The following TRMT1 variants were observed in gnomAD, a reference collection of about 807,000 sequenced individuals.
TRMT1 encodes tRNA methyltransferase 1, also known as tRNA (guanine(26)-N(2))-dimethyltransferase.
Under a neutral mutation model 75.4 loss-of-function variants are expected in TRMT1, and 63 were observed. The ratio of observed to expected loss-of-function variants is 0.84; its 90% CI spans 0.68 to 1.03. The LOEUF (loss-of-function observed/expected upper bound fraction) is 1.03, where lower values mean the gene tolerates loss of function less well. Ranked by LOEUF, TRMT1 falls within the 50% of genes least tolerant of loss-of-function variation. The probability of loss-of-function intolerance (pLI) is 0.00; values close to 1 mark genes in which losing one functional copy is unlikely to be tolerated. For missense variants in TRMT1, 870 were observed against 905.3 expected (o/e 0.96, Z 0.50); for synonymous variants, 382 against 358.1 (o/e 1.07, Z -0.75).
At chr19:13,106,158 G>A (rs1402907688) in intron 14 of TRMT1, among the ~76,000 whole-genome samples, 1 of 151,502 alleles carries the variant, frequency 6.6e-6, no homozygotes, top group East Asian at 2.0e-4. Flanking sequence ...GAACTCCTGG[G>A]CTTGAGCAAC....
rs749720918 is a variant in TRMT1 at position 13,112,977 on chromosome 19, T to G, written c.676A>C (p.Arg226=). The change falls in exon 6 of 17, where the codon AGG becomes CGG. Residue 226 remains arginine (R), a synonymous_variant. Coordinates refer to ENST00000357720, the MANE Select transcript of TRMT1 (RefSeq NM_001136035.4). ...LMYQHQRVSE[R]FDVIDLDPYG... is the part of the protein sequence containing the mutation. ...GGGTCCAGATCGATGACGTCAAACCTCTCCGACACCCTCTGGTGCTGGTAC... is the reference window on the plus strand; with the variant it reads ...GGGTCCAGATCGATGACGTCAAACCGCTCCGACACCCTCTGGTGCTGGTAC... 1.0e-4 allele frequency: 165 copies of G among 1,613,110 alleles called. No homozygotes were observed. Among genetic ancestry groups the G allele is most frequent in the Non-Finnish European group, 1.3e-4 (153 of 1,179,644 alleles).
rs1400240685 is a variant in TRMT1, at chr19:13,116,420, C to T, written c.-21G>A. On this transcript the variant is annotated 5_prime_UTR_variant, in exon 2 of 17. Coordinates refer to ENST00000357720, the MANE Select transcript of TRMT1 (RefSeq NM_001136035.4). ...TGCATGAGACATCCGCTGGCGCCTC[C>T]GCCCGCCAAGCCTGGTTCGGGGGGC... 2 of 1,565,694 alleles carry T rather than the reference C, an allele frequency of 1.3e-6. No individual in the cohort carries two copies. Among genetic ancestry groups the T allele is most frequent in the Non-Finnish European group, 1.7e-6 (2 of 1,159,746 alleles).
In TRMT1 at chr19:13,109,580, C is replaced by A; in HGVS notation, c.1281G>T (p.Arg427=). Residue 427 remains arginine, a synonymous_variant, in exon 11 of 17, where the codon CGG becomes CGT. Transcript: ENST00000357720. Reference sequence around the variant, plus strand: ...TGATGACGCTCAGGACCCCTCGGATCCGCTCCGAGGTGTGGAAGCGGCCGG... The same window carrying A: ...TGATGACGCTCAGGACCCCTCGGATACGCTCCGAGGTGTGGAAGCGGCCGG... The part of the protein sequence containing the change: ...ANPGRFHTSE[R]IRGVLSVITE... 1 of 1,614,054 alleles carries A rather than the reference C, an allele frequency of 6.2e-7. No homozygotes were observed. The highest frequency in any genetic ancestry group is 8.5e-7 in the Non-Finnish European group (1 of 1,179,994).
intron 14 of TRMT1, among the ~76,000 whole-genome samples, chr19:13,105,896 C>T (rs1285724768): frequency 2.0e-5 from 3 of 151,996 alleles, no homozygotes. Context: ...ACCCCATCTC[C>T]ACTAAAAATA....
chr19:13,110,319 G>T lies in TRMT1; in HGVS notation c.871-13C>A, dbSNP rs1490975355. 5.2e-6 allele frequency: 4 copies of T among 770,224 alleles called. No homozygotes were observed. Among genetic ancestry groups the T allele is most frequent in the Non-Finnish European group, 8.9e-6 (4 of 447,860 alleles). 47.7% of individuals were successfully genotyped at this position (770,224 alleles called of 1,614,324 possible). On this transcript the variant is annotated splice_polypyrimidine_tract_variant and intron_variant, in intron 7 of 16. Coordinates refer to ENST00000357720, the MANE Select transcript of TRMT1 (RefSeq NM_001136035.4). Reference sequence around the variant, plus strand: ...CGATTCTCAGGGCCTGGGGGTGGGGGGTGGGTGTCAGCCTCCCCTCCACTA... The same window carrying T: ...CGATTCTCAGGGCCTGGGGGTGGGGTGTGGGTGTCAGCCTCCCCTCCACTA...
rs990638321 is a variant in TRMT1 at position 13,115,466 on chromosome 19, C to T, written c.454G>A (p.Glu152Lys). 5.0e-6 allele frequency: 8 copies of T among 1,611,704 alleles called. No individual in the cohort carries two copies. Among genetic ancestry groups the T allele is most frequent in the Non-Finnish European group, 6.8e-6 (8 of 1,178,764 alleles). ...RTAAVGEICE[E>K]GLHVLEGLAA... Reference sequence around the variant, plus strand: ...AGGCCTTCCAGCACATGCAGGCCTTCCTGTTGGAGTAAGCAGAAAACCTCC... The same window carrying T: ...AGGCCTTCCAGCACATGCAGGCCTTTCTGTTGGAGTAAGCAGAAAACCTCC... The change falls in exon 5 of 17, where the codon GAA becomes AAA. Residue 152 changes from glutamate (E) to lysine (K), a missense_variant and splice_region_variant. Transcript: ENST00000357720.
intron 12 of TRMT1, among the ~76,000 whole-genome samples, chr19:13,109,067 C>T (rs950306803): frequency 4.0e-5 from 6 of 150,748 alleles, no homozygotes; most frequent in Non-Finnish European, 8.8e-5. Flanking sequence ...AGGCATGTAT[C>T]ACCATGCCAG....
rs1433495413 is a variant in TRMT1, at chr19:13,116,198, T to A, written c.202A>T (p.Ser68Cys). 6 of 1,614,036 alleles carry A rather than the reference T, an allele frequency of 3.7e-6. No homozygotes were observed. The highest frequency in any genetic ancestry group is 4.2e-6 in the Non-Finnish European group (5 of 1,180,042). ...TEGAAKIAFP[S>C]ANEVFYNPVQ... is the part of the protein sequence containing the mutation. Reference sequence around the variant, plus strand: ...GGGTTATAAAAGACCTCGTTGGCACTGGGAAAGGCGATTTTGGCAGCCCCC... The same window carrying A: ...GGGTTATAAAAGACCTCGTTGGCACAGGGAAAGGCGATTTTGGCAGCCCCC... The change falls in exon 2 of 17, where the codon AGT becomes TGT. Residue 68 changes from serine to cysteine, a missense_variant. Ser to Cys is a moderately radical substitution (Grantham distance 112). Transcript: ENST00000357720.
chr19:13,113,009 A>G lies in TRMT1; in HGVS notation c.644T>C (p.Met215Thr). Residue 215 changes from methionine (M) to threonine (T), a missense_variant and splice_region_variant, in exon 6 of 17, where the codon ATG becomes ACG. Transcript: ENST00000357720. Reference sequence around the variant, plus strand: ...CACCCTCTGGTGCTGGTACATCAGCATCCTGGGTGCAAAGAGGGCCAGGTC... The same window carrying G: ...CACCCTCTGGTGCTGGTACATCAGCGTCCTGGGTGCAAAGAGGGCCAGGTC... ...LVQPSQADARMLMYQHQRVSE... is the reference protein window; with the variant it reads ...LVQPSQADARTLMYQHQRVSE... The G allele has an allele frequency of 6.2e-7, 1 of 1,608,314 alleles. No homozygotes were observed. Among genetic ancestry groups the G allele is most frequent in the South Asian group, 1.1e-5 (1 of 90,266 alleles).
rs150832090 is a variant in TRMT1, at chr19:13,105,301, C to T, written c.1799G>A (p.Arg600Gln). 7.5e-4 allele frequency: 1,214 copies of T among 1,614,010 alleles called. 4 individuals are homozygous for T. The African/African-American group carries it at 0.011, about 15-fold the overall frequency. Residue 600 changes from arginine to glutamine, a missense_variant, in exon 16 of 17, where the codon CGG becomes CAG. By Grantham distance (43) the Arg-to-Gln change is conservative. Transcript: ENST00000357720. ...CCTCTTGCAAGGAAATGTCTTGAGCCGGGCAGCCCGCTGGGCCACATCTTC... is the reference window on the plus strand; with the variant it reads ...CCTCTTGCAAGGAAATGTCTTGAGCTGGGCAGCCCGCTGGGCCACATCTTC... ...PPEDVAQRAA[R>Q]LKTFPCKRFK...
chr19:13,107,946 G>T, intron 12 of TRMT1, 87 bp from the exon 13 acceptor site: 1 of 994,836 alleles, frequency 1.0e-6, no homozygotes, highest in Non-Finnish European at 1.6e-6. Context: ...ACTACCTTCG[G>T]CAAGGGCTCA....
At chr19:13,109,188 C>G (rs564130063) in intron 12 of TRMT1, among the ~76,000 whole-genome samples, 193 bp downstream of exon 12, 2 of 151,754 alleles carry the variant, frequency 1.3e-5, no homozygotes, top group East Asian at 1.9e-4. Context: ...GAGATAGGGT[C>G]TTACTACGTT....
At chr19:13,114,437 C>T (rs1357550887) in intron 5 of TRMT1, among the ~76,000 whole-genome samples, 1 of 152,028 alleles carries the variant, frequency 6.6e-6, no homozygotes, top group African/African-American at 2.4e-5. Flanking sequence ...GAGGCCGAGG[C>T]GGGCAGATCA....
chr19:13,112,754 T>C lies in TRMT1; in HGVS notation c.821A>G (p.Tyr274Cys). ...GAGGGCCATGGCCCCGTACTTGCTG[T>C]AGCACGTCTCCCCGCTGTTCCCCGC... is the stretch of plus-strand genomic sequence containing the variant. ...VLAGNSGETCYSKYGAMALKS... is the reference protein window; with the variant it reads ...VLAGNSGETCCSKYGAMALKS... Residue 274 changes from tyrosine to cysteine, a missense_variant, in exon 7 of 17, where the codon TAC becomes TGC. Coordinates refer to ENST00000357720, the MANE Select transcript of TRMT1 (RefSeq NM_001136035.4). 6.2e-7 allele frequency: 1 copy of C among 1,613,832 alleles called. No homozygotes were observed.
intron 14 of TRMT1, 35 bp from the exon 15 acceptor site, chr19:13,105,641 G>T (rs1329494478): frequency 1.3e-6 from 2 of 1,584,862 alleles, no homozygotes; most frequent in Non-Finnish European, 1.7e-6. Context: ...GGGGCTGGGG[G>T]AAGCTGCCAC....
rs968984822 is a variant in TRMT1, at chr19:13,107,761, A to G, written c.1496T>C (p.Met499Thr). ...DAPASALWDI[M>T]RCWEKECPVK... is the part of the protein sequence containing the mutation. ...CAGCCCTGCCCTCACCCAGCAACGC[A>G]TGATGTCCCAGAGGGCAGAGGCAGG... is the stretch of plus-strand genomic sequence containing the variant. Residue 499 changes from methionine (M) to threonine (T), a missense_variant, in exon 13 of 17, where the codon ATG (methionine) becomes ACG (threonine). Physicochemically the swap from Met to Thr is moderately conservative, Grantham distance 81 (BLOSUM62 -1). Coordinates refer to ENST00000357720, the MANE Select transcript of TRMT1 (RefSeq NM_001136035.4). 1.3e-5 allele frequency: 20 copies of G among 1,553,910 alleles called. No homozygotes were observed. In the African/African-American group the frequency reaches 2.6e-4, roughly 20 times the overall value.
At chr19:13,110,114 G>C (rs767325842) in intron 8 of TRMT1, 44 bp downstream of exon 8, 1 of 1,609,524 alleles carries the variant, frequency 6.2e-7, no homozygotes, top group Non-Finnish European at 8.5e-7. Context: ...GCAAGGTCCT[G>C]TCTCCTCTCT....
At chr19:13,112,575 C>T (rs1023041800) in intron 7 of TRMT1, 130 bp downstream of exon 7, 4 of 788,198 alleles carry the variant, frequency 5.1e-6, no homozygotes, top group Non-Finnish European at 8.2e-6. Flanking sequence ...CGTTAACAGC[C>T]TGGGATGCAT....
chr19:13,107,826 T>C lies in TRMT1; in HGVS notation c.1431A>G (p.Ser477=). ...SALLHADFRV[S]LSHACKNAVK... ...CAGCGTTCTTACAGGCGTGGGAGAG[T>C]GAGACCCGGAAGTCAGCGTGGAGGA... Residue 477 remains serine, a synonymous_variant, in exon 13 of 17, where the codon TCA becomes TCG. Transcript: ENST00000357720. 1 of 1,551,132 alleles carries C rather than the reference T, an allele frequency of 6.4e-7. No individual in the cohort carries two copies. Among genetic ancestry groups the C allele is most frequent in the Non-Finnish European group, 8.7e-7 (1 of 1,146,856 alleles).
Sources: allele counts gnomAD v4.1 joint callset (sites outside exome capture counted in the v4.1 genomes callset), GRCh38; gene constraint gnomAD v4.1.1; transcripts MANE v1.5; gene names NCBI Gene and HGNC (gene_info 2026-07-23, HGNC 2026-07-21).